The following NPAS1 variants were observed in gnomAD, a reference collection of about 807,000 sequenced individuals.
NPAS1 encodes neuronal PAS domain-containing protein 1.
In NPAS1, 29 loss-of-function variants were observed where a neutral mutation model predicts 49.2. That is an observed-to-expected ratio of 0.59 (90% confidence interval 0.44 to 0.80). The LOEUF (loss-of-function observed/expected upper bound fraction) is 0.80. Among genes scored for constraint, NPAS1 ranks in the 30% least tolerant of loss-of-function variants. The pLI is 0.00. For synonymous variants in NPAS1, 408 were observed against 380.4 expected (o/e 1.07, Z -0.84); for missense variants, 825 against 835.5 (o/e 0.99, Z 0.15).
chr19:47,037,338 C>CAAAAA lies in NPAS1; in HGVS notation c.688+1235_688+1239dup, dbSNP rs869125845. Among the ~76,000 whole-genome samples the CAAAAA allele has an allele frequency of 2.0e-3, 103 of 51,784 alleles. 4 individuals carry two copies. The highest frequency in any genetic ancestry group is 7.3e-3 in the African/African-American group (89 of 12,158). 34.0% of individuals were successfully genotyped at this position (51,784 alleles called of 152,430 possible). A position where few individuals can be genotyped will look rare whatever the true frequency, so the allele number is the denominator to read the frequency against. ...TGCACTCTGAGTGAGACTCCGTCTC[C>CAAAAA]AAAAAAAAAAAAAAAAAAAAAAAAA... On this transcript the variant is annotated intron_variant, in intron 6 of 11. Coordinates refer to ENST00000602212, the MANE Select transcript of NPAS1 (RefSeq NM_002517.4).
At position 47,045,769 on chromosome 19, in the gene NPAS1, G is replaced by T. The variant is rs959805884; in HGVS notation, c.*118G>T. 3 of 1,076,954 alleles carry T rather than the reference G, an allele frequency of 2.8e-6. No individual in the cohort carries two copies. The highest frequency in any genetic ancestry group is 3.3e-5 in the African/African-American group (2 of 59,714). 66.7% of individuals were successfully genotyped at this position (1,076,954 alleles called of 1,614,324 possible). A position where few individuals can be genotyped will look rare whatever the true frequency, so the allele number is the denominator to read the frequency against. On this transcript the variant is annotated 3_prime_UTR_variant, in exon 12 of 12. Transcript: ENST00000602212. The stretch of plus-strand genomic sequence containing the variant: ...GCCGGCTCTCCCTGCAGTGGTTTGG[G>T]CTCCGGGCTGTGAGCTCCTCTGTCC...
chr19:47,021,642 G>C lies in NPAS1; in HGVS notation c.153G>C (p.Arg51=), dbSNP rs781123215. 8 of 1,549,372 alleles carry C rather than the reference G, an allele frequency of 5.2e-6. No homozygotes were observed. In the South Asian group the frequency reaches 6.0e-5, roughly 12 times the overall value. The change falls in exon 3 of 12, where the codon CGG becomes CGC. Residue 51 remains arginine (R), a synonymous_variant. Coordinates refer to ENST00000602212, the MANE Select transcript of NPAS1 (RefSeq NM_002517.4). This position sits in a 1 kb window ranked among gnomAD's most constrained non-coding sequence, Gnocchi z 5.7. ...AGGCGCAGCGCAAGGAGAAGTCCCG[G>C]AACGCGGCGCGCTCGCGGCGCGGGA... The part of the protein sequence containing the change: ...CLQAQRKEKS[R]NAARSRRGKE...
rs1486182206 is a variant in NPAS1, at chr19:47,036,027, G to C, written c.586G>C (p.Glu196Gln). The C allele has an allele frequency of 1.2e-6, 2 of 1,603,550 alleles. No individual in the cohort carries two copies. Among genetic ancestry groups the C allele is most frequent in the Non-Finnish European group, 1.7e-6 (2 of 1,174,868 alleles). The change falls in exon 6 of 12, where the codon GAG becomes CAG. Residue 196 changes from glutamate to glutamine, a missense_variant. Physicochemically the swap from Glu to Gln is conservative, Grantham distance 29. Transcript: ENST00000602212. ...CCCTGGGGACCACTCAGAGGTGCTGGAGCAACTGGGGCTGCGGACGCCGAC... is the reference window on the plus strand; with the variant it reads ...CCCTGGGGACCACTCAGAGGTGCTGCAGCAACTGGGGCTGCGGACGCCGAC... Reference protein sequence around the residue: ...IHPGDHSEVLEQLGLRTPTPG... With the variant: ...IHPGDHSEVLQQLGLRTPTPG...
At position 47,021,517 on chromosome 19, in the gene NPAS1, C is replaced by A; in HGVS notation, c.123-95C>A. 2.4e-6 allele frequency: 2 copies of A among 832,730 alleles called. No homozygotes were observed. Among genetic ancestry groups the A allele is most frequent in the Non-Finnish European group, 3.5e-6 (2 of 567,210 alleles). The allele number at this position is 832,730 out of a possible 1,614,324, so 51.6% of individuals were successfully genotyped here. A position where few individuals can be genotyped will look rare whatever the true frequency, so the allele number is the denominator to read the frequency against. ...GGAATCCACTCCCAACGTCCCGTCC[C>A]GTTCCCAAGGCCCCGGGAGGCGGGG... is the stretch of plus-strand genomic sequence containing the variant. On this transcript the variant is annotated intron_variant, in intron 2 of 11. Transcript: ENST00000602212. This position sits in a 1 kb window ranked among gnomAD's most constrained non-coding sequence, Gnocchi z 5.7.
intron 6 of NPAS1, among the ~76,000 whole-genome samples, chr19:47,037,812 T>C (rs377376586): frequency 1.4e-3 from 216 of 152,328 alleles, no homozygotes; most frequent in African/African-American, 5.0e-3. Context: ...CACAGGGTCA[T>C]CTGTGTGTGA....
chr19:47,040,955 A>G (rs1049540454), intron 9 of NPAS1, 23 bp from the exon 10 acceptor site: 55 of 1,403,584 alleles, frequency 3.9e-5, no homozygotes, highest in Non-Finnish European at 5.0e-5. Context: ...CCCCCTTCCC[A>G]TCTCTCCCTG....
Position 47,021,685 on chromosome 19 carries a change from T to C in NPAS1, c.196T>C (p.Phe66Leu), listed in dbSNP as rs772079029. 27 of 1,564,088 alleles carry C rather than the reference T, an allele frequency of 1.7e-5. No individual in the cohort carries two copies. Among genetic ancestry groups the C allele is most frequent in the Admixed American group, 3.7e-5 (2 of 54,580 alleles). ...SRRGKENLEF[F>L]ELAKLLPLPG... Reference sequence around the variant, plus strand: ...GCGCGGGAAGGAGAACCTGGAGTTCTTCGAGCTGGCCAAGCTTCTCCCGCT... The same window carrying C: ...GCGCGGGAAGGAGAACCTGGAGTTCCTCGAGCTGGCCAAGCTTCTCCCGCT... The change falls in exon 3 of 12, where the codon TTC (phenylalanine) becomes CTC (leucine). Residue 66 changes from phenylalanine to leucine, a missense_variant. Coordinates refer to ENST00000602212, the MANE Select transcript of NPAS1 (RefSeq NM_002517.4). This position sits in a 1 kb window ranked among gnomAD's most constrained non-coding sequence, Gnocchi z 5.7.
At chr19:47,020,076 G>T in intron 1 of NPAS1, 79 bp downstream of exon 1, 1 of 334,172 alleles carries the variant, frequency 3.0e-6, no homozygotes, top group South Asian at 1.4e-4. Flanking sequence ...CAGTGTCCTG[G>T]GGGATAGGGG....
intron 3 of NPAS1, among the ~76,000 whole-genome samples, chr19:47,031,562 G>A (rs191604703): frequency 2.5e-4 from 31 of 124,592 alleles, no homozygotes; most frequent in African/African-American, 7.8e-4. Flanking sequence ...ATGGAGTCTC[G>A]CACTGTCATC....
intron 5 of NPAS1, chr19:47,035,191 A>AAAGAAGAAGAAGAAG (rs56216577): frequency 0.068 from 10,144 of 148,942 alleles, 448 homozygotes; most frequent in Non-Finnish European, 0.099. Context: ...AAAAAAATAA[A>AAAGAAGAAGAAGAAG]AAGAAGAAGA....
intron 1 of NPAS1, chr19:47,020,788 G>A (rs2056833999): frequency 3.4e-6 from 1 of 292,428 alleles, no homozygotes; most frequent in Admixed American, 5.2e-5. Context: ...GGCGGGCGGC[G>A]CGGGGGAGGC....
chr19:47,032,778 C>G, intron 5 of NPAS1, 46 bp downstream of exon 5: 2 of 1,360,700 alleles, frequency 1.5e-6, no homozygotes, highest in Non-Finnish European at 2.1e-6. Context: ...CACCATCTCC[C>G]TTGCCAGGCC....
chr19:47,029,400 T>TTAA (rs1296672824), intron 3 of NPAS1, among the ~76,000 whole-genome samples: 1 of 148,772 alleles, frequency 6.7e-6, no homozygotes, highest in Non-Finnish European at 1.5e-5. Flanking sequence ...TTTTTATTTA[T>TTAA]TATTATTATT....
intron 1 of NPAS1, among the ~76,000 whole-genome samples, chr19:47,020,200 C>G (rs563072246): frequency 3.8e-4 from 56 of 148,150 alleles, no homozygotes; most frequent in African/African-American, 1.2e-3. Flanking sequence ...GGACACCTGG[C>G]TGGGAGGTTT....
At chr19:47,036,356 G>C (rs2122510642) in intron 6 of NPAS1, among the ~76,000 whole-genome samples, 1 of 152,360 alleles carries the variant, frequency 6.6e-6, no homozygotes, top group African/African-American at 2.4e-5. Flanking sequence ...CCTGGCTGCT[G>C]AAAGGAGTTG....
intron 10 of NPAS1, among the ~76,000 whole-genome samples, chr19:47,042,172 A>G (rs1474921975): frequency 6.6e-6 from 1 of 151,926 alleles, no homozygotes; most frequent in Non-Finnish European, 1.5e-5. Flanking sequence ...AGCTGGGCAT[A>G]GTGGTGCACG....
intron 5 of NPAS1, among the ~76,000 whole-genome samples, chr19:47,034,541 A>T (rs2056933026): frequency 6.6e-6 from 1 of 152,098 alleles, no homozygotes. Context: ...AGACACCAAA[A>T]GGAGGGGAAT....
intron 3 of NPAS1, among the ~76,000 whole-genome samples, chr19:47,025,949 G>GTT (rs199944883): frequency 2.0e-5 from 3 of 147,078 alleles, no homozygotes; most frequent in East Asian, 2.1e-4. Flanking sequence ...TTTGTTTTTT[G>GTT]TTTTTTTTGA....
At position 47,045,060 on chromosome 19, in the gene NPAS1, AC is replaced by A. The variant is rs1568512669; in HGVS notation, c.1313-130del. The A allele has an allele frequency of 9.4e-5, 83 of 883,756 alleles. 1 individual carries two copies. The African/African-American group carries it at 1.5e-3, about 16-fold the overall frequency. 54.7% of individuals were successfully genotyped at this position (883,756 alleles called of 1,614,324 possible). A position where few individuals can be genotyped will look rare whatever the true frequency, so the allele number is the denominator to read the frequency against. ...AAAACAAAAAACAAAAACAAAACAA[AC>A]AAACAAAAAAAAAAACCCCACTCCC... is the stretch of plus-strand genomic sequence containing the variant. On this transcript the variant is annotated intron_variant, in intron 11 of 11. Coordinates refer to ENST00000602212, the MANE Select transcript of NPAS1 (RefSeq NM_002517.4).
Sources: gnomAD v4.1 joint callset for allele counts (sites outside exome capture counted in the v4.1 genomes callset) on GRCh38, gnomAD v4.1.1 for gene constraint, Gnocchi (gnomAD v3.1) non-coding constraint, MANE v1.5 for transcripts, NCBI Gene and HGNC (gene_info 2026-07-23, HGNC 2026-07-21) for gene names.